ASTN2: variants seen among roughly 807,000 people sequenced by gnomAD.
ASTN2 encodes the protein astrotactin 2.
In ASTN2, 54 loss-of-function variants were observed where a neutral mutation model predicts 139.8. The ratio of observed to expected loss-of-function variants is 0.39; its 90% CI spans 0.31 to 0.48. The LOEUF (loss-of-function observed/expected upper bound fraction) is 0.48. Among genes scored for constraint, ASTN2 ranks in the 20% least tolerant of loss-of-function variants. The pLI is 0.95. For missense variants in ASTN2, 1,565 were observed against 1,725.1 expected, an observed-to-expected ratio of 0.91 and a Z score of 1.64; for synonymous variants, 756 against 719.5, an observed-to-expected ratio of 1.05 and a Z score of -0.81.
intron 13 of ASTN2, among the ~76,000 whole-genome samples, chr9:116,795,165 AGAC>A (rs1325964063): frequency 6.6e-6 from 1 of 152,154 alleles, no homozygotes; most frequent in African/African-American, 2.4e-5. Context: ...TTTTTAATAG[AGAC>A]GTGGTTTCAC....
intron 13 of ASTN2, among the ~76,000 whole-genome samples, chr9:116,769,642 C>T (rs558800513): frequency 6.6e-6 from 1 of 152,210 alleles, no homozygotes; most frequent in South Asian, 2.1e-4. Flanking sequence ...CACCTGTTCC[C>T]CTAAGGCAGG....
At chr9:117,386,079 G>T (rs938486878) in intron 1 of ASTN2, among the ~76,000 whole-genome samples, 1 of 152,060 alleles carries the variant, frequency 6.6e-6, no homozygotes, top group Non-Finnish European at 1.5e-5. Context: ...AGTTGCTAAG[G>T]TTACCTTCTT....
intron 1 of ASTN2, among the ~76,000 whole-genome samples, chr9:117,329,180 CTTTTT>C (rs749880987): frequency 1.9e-4 from 16 of 82,580 alleles, no homozygotes; most frequent in Non-Finnish European, 2.6e-4. Flanking sequence ...CTTCCAAGTT[CTTTTT>C]TTTTTTTTTT....
At position 117,163,531 on chromosome 9, in the gene ASTN2, T is replaced by C. The variant is rs190908244; in HGVS notation, c.1016-22053A>G. 3.0e-3 allele frequency among the ~76,000 whole-genome samples: 462 copies of C among 152,090 alleles called. 2 individuals carry two copies. Among genetic ancestry groups the C allele is most frequent in the African/African-American group, 0.011 (439 of 41,462 alleles). ...TTTCTCATACTATTTTTGTAATACTTACTATTTTATTACATTTATACAACT... is the reference window on the plus strand; with the variant it reads ...TTTCTCATACTATTTTTGTAATACTCACTATTTTATTACATTTATACAACT... On this transcript the variant is annotated intron_variant, in intron 3 of 22. Transcript: ENST00000313400.
At chr9:117,249,902 C>T (rs1004212077) in intron 2 of ASTN2, among the ~76,000 whole-genome samples, 3 of 152,044 alleles carry the variant, frequency 2.0e-5, no homozygotes, top group Non-Finnish European at 4.4e-5. Flanking sequence ...TGGCATTCTC[C>T]CCAGAAAATG....
chr9:116,528,660 G>GC (rs1851197297), intron 19 of ASTN2, among the ~76,000 whole-genome samples: 1 of 152,206 alleles, frequency 6.6e-6, no homozygotes, highest in Non-Finnish European at 1.5e-5. Flanking sequence ...AATTTTCACA[G>GC]CAGCCCCTCT....
chr9:116,734,357 G>T (rs1035820876), intron 13 of ASTN2, among the ~76,000 whole-genome samples: 5 of 152,130 alleles, frequency 3.3e-5, no homozygotes, highest in Non-Finnish European at 5.9e-5. Context: ...AGGGAGGCAG[G>T]TTTCATTCTT....
intron 19 of ASTN2, among the ~76,000 whole-genome samples, chr9:116,513,333 C>G (rs994202523): frequency 6.6e-6 from 1 of 152,222 alleles, no homozygotes; most frequent in South Asian, 2.1e-4. Context: ...TTGGCCCCCA[C>G]TCTCTTCTGG....
At chr9:117,399,591 A>C (rs1295537673) in intron 1 of ASTN2, among the ~76,000 whole-genome samples, 1 of 152,202 alleles carries the variant, frequency 6.6e-6, no homozygotes, top group East Asian at 1.9e-4. Context: ...TTCATTCATG[A>C]CAGTGATACA....
chr9:117,170,310 T>C (rs969613536), intron 3 of ASTN2, among the ~76,000 whole-genome samples: 1 of 152,128 alleles, frequency 6.6e-6, no homozygotes, highest in Non-Finnish European at 1.5e-5. Context: ...TTTCCCATTG[T>C]GTGTCTCATC....
intron 10 of ASTN2, among the ~76,000 whole-genome samples, chr9:116,949,654 T>TA (rs1835501552): frequency 1.3e-5 from 2 of 152,298 alleles, no homozygotes; most frequent in Admixed American, 6.5e-5. Flanking sequence ...TTCTAGAATT[T>TA]AATGTCCAAG....
intron 5 of ASTN2, among the ~76,000 whole-genome samples, chr9:117,053,033 A>G (rs929611240): frequency 6.6e-6 from 1 of 152,252 alleles, no homozygotes; most frequent in Non-Finnish European, 1.5e-5. Context: ...TTGTCTTCAA[A>G]GACATCCAAA....
chr9:116,848,352 G>A (rs1327045180), intron 11 of ASTN2, among the ~76,000 whole-genome samples: 3 of 152,150 alleles, frequency 2.0e-5, no homozygotes, highest in Non-Finnish European at 4.4e-5. Context: ...GGTATTTGGG[G>A]AAAATAGCTT....
chr9:116,615,132 C>G (rs1855772667), intron 19 of ASTN2, among the ~76,000 whole-genome samples: 1 of 152,168 alleles, frequency 6.6e-6, no homozygotes, highest in Non-Finnish European at 1.5e-5. Context: ...AAATGCTCAT[C>G]ATCACTGGCC....
intron 16 of ASTN2, among the ~76,000 whole-genome samples, chr9:116,658,397 G>A (rs1039181723): frequency 2.0e-5 from 3 of 152,160 alleles, no homozygotes; most frequent in African/African-American, 7.2e-5. Context: ...CCTCTGAACT[G>A]TATATGGGTC....
In ASTN2 at chr9:117,270,590, C is replaced by T. The variant is rs144328547; in HGVS notation, c.630+20736G>A. 8.3e-3 allele frequency among the ~76,000 whole-genome samples: 1,269 copies of T among 152,268 alleles called. 26 individuals carry two copies. The highest frequency in any genetic ancestry group is 9.0e-3 in the Non-Finnish European group (610 of 68,038). On this transcript the variant is annotated intron_variant, in intron 2 of 22. Coordinates refer to ENST00000313400, the MANE Select transcript of ASTN2 (RefSeq NM_001365068.1). ...CCTTTCAATTATCCCCAAGGGATAC[C>T]CCTGTACCTGGCATAAGGATGTTTG...
chr9:116,975,617 C>T (rs1225618823), intron 9 of ASTN2, among the ~76,000 whole-genome samples: 1 of 152,174 alleles, frequency 6.6e-6, no homozygotes, highest in Admixed American at 6.5e-5. Context: ...ACCATTGCCG[C>T]TCTGATTTTC....
At chr9:116,974,734 C>A (rs1223180699) in intron 10 of ASTN2, among the ~76,000 whole-genome samples, 1 of 152,114 alleles carries the variant, frequency 6.6e-6, no homozygotes, top group East Asian at 1.9e-4. Context: ...GTCTCGAACT[C>A]CTGACCTCAG....
At chr9:116,681,001 A>G (rs1446712451) in intron 16 of ASTN2, among the ~76,000 whole-genome samples, 1 of 152,210 alleles carries the variant, frequency 6.6e-6, no homozygotes, top group African/African-American at 2.4e-5. Context: ...CCTATTCAAC[A>G]TAGTGTTGGA....
Sources: allele counts gnomAD v4.1 joint callset (sites outside exome capture counted in the v4.1 genomes callset), GRCh38; gene constraint gnomAD v4.1.1; transcripts MANE v1.5; gene names NCBI Gene and HGNC (gene_info 2026-07-23, HGNC 2026-07-21).